Variants in ADAMTS13 observed in about 807,000 individuals in gnomAD.
The protein encoded by ADAMTS13 is A disintegrin and metalloproteinase with thrombospondin motifs 13.
Under a neutral mutation model 155.1 loss-of-function variants are expected in ADAMTS13, and 110 were observed. The observed-to-expected ratio is 0.71, with a 90% CI of 0.61 to 0.83. The LOEUF (loss-of-function observed/expected upper bound fraction) is 0.83, where lower values mean the gene tolerates loss of function less well. Ranked by LOEUF, ADAMTS13 falls within the 40% of genes least tolerant of loss-of-function variation. The probability of loss-of-function intolerance (pLI) is 0.00; values close to 1 mark genes in which losing one functional copy is unlikely to be tolerated. For synonymous variants in ADAMTS13, 758 were observed against 756.4 expected (o/e 1.00, Z -0.03); for missense variants, 1,707 against 1,891.7 (o/e 0.90, Z 1.81).
At position 133,455,486 on chromosome 9, in the gene ADAMTS13, A is replaced by G. The variant is rs782226132; in HGVS notation, c.3400+51A>G. Reference sequence around the variant, plus strand: ...AGAAGCCGCTGCTCCAGGACGGACCACAGCCACCCCTGCTGGTGCCTCCCT... The same window carrying G: ...AGAAGCCGCTGCTCCAGGACGGACCGCAGCCACCCCTGCTGGTGCCTCCCT... On this transcript the variant is annotated intron_variant, in intron 25 of 28. Transcript: ENST00000355699. 1.3e-5 allele frequency: 21 copies of G among 1,612,264 alleles called. No individual in the cohort carries two copies. The highest frequency in any genetic ancestry group is 1.7e-5 in the Non-Finnish European group (20 of 1,179,926).
At position 133,456,656 on chromosome 9, in the gene ADAMTS13, C is replaced by A. The variant is rs140450669; in HGVS notation, c.3661C>A (p.Arg1221=). Residue 1221 remains arginine, a synonymous_variant, in exon 27 of 29, where the codon CGG becomes AGG. Coordinates refer to ENST00000355699, the MANE Select transcript of ADAMTS13 (RefSeq NM_139027.6). This position sits in a 1 kb window ranked among gnomAD's most constrained non-coding sequence, Gnocchi z 4.4. ...GCTGGTGGTGAGGCAGCGCTGCGGG[C>A]GGCCAGGAGGTGGGGTGCTGCTGCG... is the stretch of plus-strand genomic sequence containing the variant. ...NTLVVRQRCG[R]PGGGVLLRYG... is the part of the protein sequence containing the mutation. 5 of 1,602,696 alleles carry A rather than the reference C, an allele frequency of 3.1e-6. No individual in the cohort carries two copies. The highest frequency in any genetic ancestry group is 4.3e-6 in the Non-Finnish European group (5 of 1,174,712).
rs904605163 is a variant in ADAMTS13 at position 133,441,311 on chromosome 9, T to C, written c.1968+786T>C. On this transcript the variant is annotated intron_variant, in intron 16 of 28. Coordinates refer to ENST00000355699, the MANE Select transcript of ADAMTS13 (RefSeq NM_139027.6). The surrounding 1 kb of genome is among the most constrained non-coding windows in gnomAD (Gnocchi z 5.0). ...GCCAGGCCGGGCCAAAGCAAGCCCCTGTGAGCGGCTTATCCCTTCTCTTCC... is the reference window on the plus strand; with the variant it reads ...GCCAGGCCGGGCCAAAGCAAGCCCCCGTGAGCGGCTTATCCCTTCTCTTCC... 2.0e-5 allele frequency among the ~76,000 whole-genome samples: 3 copies of C among 152,164 alleles called. No individual in the cohort carries two copies. Among genetic ancestry groups the C allele is most frequent in the African/African-American group, 7.2e-5 (3 of 41,436 alleles).
Position 133,424,418 on chromosome 9 carries a change from C to T in ADAMTS13, c.270C>T (p.Pro90=), listed in dbSNP as rs756898709. ...LHLELLVAVG[P]DVFQAHQEDT... ...TGGAGCTGCTGGTGGCCGTGGGCCCCGATGTCTTCCAGGCTCACCAGGAGG... is the reference window on the plus strand; with the variant it reads ...TGGAGCTGCTGGTGGCCGTGGGCCCTGATGTCTTCCAGGCTCACCAGGAGG... The change falls in exon 3 of 29, where the codon CCC becomes CCT. Residue 90 remains proline, a synonymous_variant. Transcript: ENST00000355699. This position sits in a 1 kb window ranked among gnomAD's most constrained non-coding sequence, Gnocchi z 4.3. 16 of 1,613,716 alleles carry T rather than the reference C, an allele frequency of 9.9e-6. No individual in the cohort carries two copies. Among genetic ancestry groups the T allele is most frequent in the African/African-American group, 8.0e-5 (6 of 74,896 alleles).
rs377151755 is a variant in ADAMTS13 at position 133,459,202 on chromosome 9, G to C, written c.*22G>C. On this transcript the variant is annotated 3_prime_UTR_variant, in exon 29 of 29. Transcript: ENST00000355699. The stretch of plus-strand genomic sequence containing the variant: ...CTGAGGGTCATTGAACATTTGTTCC[G>C]TGTCTGGCCAGCCCTGGAGGGTTGA... 25 of 1,587,646 alleles carry C rather than the reference G, an allele frequency of 1.6e-5. No homozygotes were observed. In the African/African-American group the frequency reaches 3.2e-4, roughly 20 times the overall value.
intron 8 of ADAMTS13, among the ~76,000 whole-genome samples, chr9:133,431,515 A>G (rs1554787465): frequency 6.6e-6 from 1 of 151,736 alleles, no homozygotes; most frequent in African/African-American, 2.4e-5. Context: ...TTTAGTAGAG[A>G]CAGGGTTTCA....
intron 23 of ADAMTS13, among the ~76,000 whole-genome samples, chr9:133,451,990 AT>A (rs111537834): frequency 0.036 from 5,100 of 142,724 alleles, 209 homozygotes; most frequent in African/African-American, 0.11. Flanking sequence ...GGACCAAAGG[AT>A]TTTTTTTTTT....
In ADAMTS13 at chr9:133,445,817, G is replaced by A. The variant is rs758243645; in HGVS notation, c.2729G>A (p.Arg910Gln). The change falls in exon 21 of 29, where the codon CGA (arginine) becomes CAA (glutamine). Residue 910 changes from arginine (R) to glutamine (Q), a missense_variant and splice_region_variant. By Grantham distance (43) the Arg-to-Gln change is conservative (BLOSUM62 1). Coordinates refer to ENST00000355699, the MANE Select transcript of ADAMTS13 (RefSeq NM_139027.6). This position sits in a 1 kb window ranked among gnomAD's most constrained non-coding sequence, Gnocchi z 5.0. ...AAGSCSVSCG[R>Q]GLMELRFLCM... ...GGGTCGTGCTCCGTCTCCTGCGGGCGAGGTGAGGGCCCCCGGGATGCTCCT... is the reference window on the plus strand; with the variant it reads ...GGGTCGTGCTCCGTCTCCTGCGGGCAAGGTGAGGGCCCCCGGGATGCTCCT... 3.8e-6 allele frequency: 6 copies of A among 1,579,060 alleles called. No homozygotes were observed. The South Asian group carries it at 4.5e-5, about 12-fold the overall frequency.
intron 21 of ADAMTS13, among the ~76,000 whole-genome samples, chr9:133,446,277 A>G (rs920540251): frequency 6.6e-6 from 1 of 152,132 alleles, no homozygotes; most frequent in Non-Finnish European, 1.5e-5. Flanking sequence ...ATCACCACCA[A>G]CCTCTCCAGA....
At chr9:133,432,996 T>C (rs1010140469) in intron 9 of ADAMTS13, among the ~76,000 whole-genome samples, 1 of 147,570 alleles carries the variant, frequency 6.8e-6, no homozygotes, top group Non-Finnish European at 1.5e-5. Context: ...GGGATCCCTG[T>C]GTAAGGGGTC....
At chr9:133,437,168 G>A (rs1390216672) in intron 12 of ADAMTS13, among the ~76,000 whole-genome samples, 1 of 152,176 alleles carries the variant, frequency 6.6e-6, no homozygotes, top group Non-Finnish European at 1.5e-5. Flanking sequence ...TTTCCCATCT[G>A]TGAAATGGAG....
At position 133,424,400 on chromosome 9, in the gene ADAMTS13, G is replaced by A; in HGVS notation, c.252G>A (p.Leu84=). ...RAAGGILHLE[L]LVAVGPDVFQ... is the part of the protein sequence containing the mutation. ...CAGGCGGCATCCTACACCTGGAGCT[G>A]CTGGTGGCCGTGGGCCCCGATGTCT... Residue 84 remains leucine, a synonymous_variant, in exon 3 of 29, where the codon CTG becomes CTA. Coordinates refer to ENST00000355699, the MANE Select transcript of ADAMTS13 (RefSeq NM_139027.6). The surrounding 1 kb of genome is among the most constrained non-coding windows in gnomAD (Gnocchi z 4.3). 6.2e-7 allele frequency: 1 copy of A among 1,613,752 alleles called. No individual in the cohort carries two copies. The highest frequency in any genetic ancestry group is 8.5e-7 in the Non-Finnish European group (1 of 1,180,008).
Position 133,443,552 on chromosome 9 carries a change from G to A in ADAMTS13, c.2411G>A (p.Cys804Tyr), listed in dbSNP as rs2130881785. The A allele has an allele frequency of 1.9e-6, 3 of 1,552,330 alleles. No individual in the cohort carries two copies. Among genetic ancestry groups the A allele is most frequent in the South Asian group, 1.2e-5 (1 of 84,866 alleles). The change falls in exon 19 of 29, where the codon TGC becomes TAC. Residue 804 changes from cysteine to tyrosine, a missense_variant. This residue lies in a region of ADAMTS13 where 961 missense variants were observed against 1,107.9 expected (regional missense o/e 0.87). Transcript: ENST00000355699. The part of the protein sequence containing the change: ...VALETCNPQP[C>Y]PARWEVSEPS... ...CTGGAAACCTGCAACCCCCAGCCCT[G>A]CCCTGCCAGGTGAGCCCAGGGCTAG...
At chr9:133,417,209 G>T (rs1305289273), upstream of ADAMTS13, among the ~76,000 whole-genome samples, 1 of 152,190 alleles carries the variant, frequency 6.6e-6, no homozygotes, top group African/African-American at 2.4e-5. Context: ...TAGACACGGG[G>T]TTTCACCATG....
chr9:133,414,932 A>G, intron 1 of ADAMTS13: 2 of 1,613,534 alleles, frequency 1.2e-6, no homozygotes, highest in South Asian at 2.2e-5. Context: ...TTGCTGGATA[A>G]TTTTGGGCTT....
In ADAMTS13 at chr9:133,425,650, C is replaced by T. The variant is rs188149664; in HGVS notation, c.414+38C>T. 299 of 1,600,228 alleles carry T rather than the reference C, an allele frequency of 1.9e-4. 2 individuals are homozygous for T. In the East Asian group the frequency reaches 6.2e-3, roughly 33 times the overall value. ...CTGGAACTCAGCACACCATACAGAG[C>T]GGGAAGCCCAAGTCATCGCATCTCC... On this transcript the variant is annotated intron_variant, in intron 4 of 28. Coordinates refer to ENST00000355699, the MANE Select transcript of ADAMTS13 (RefSeq NM_139027.6). This position sits in a 1 kb window ranked among gnomAD's most constrained non-coding sequence, Gnocchi z 4.6.
intron 23 of ADAMTS13, among the ~76,000 whole-genome samples, chr9:133,453,873 G>T (rs965292538): frequency 6.6e-6 from 1 of 152,132 alleles, no homozygotes; most frequent in African/African-American, 2.4e-5. Context: ...GGTCCAAGAG[G>T]CAGCGCTGCA....
chr9:133,422,250 C>T (rs1840000404), upstream of ADAMTS13: 5 of 626,262 alleles, frequency 8.0e-6, no homozygotes, highest in African/African-American at 7.2e-5. Flanking sequence ...CAAGGCCCAG[C>T]TTGCAGCAGG....
Position 133,433,717 on chromosome 9 carries a change from C to G in ADAMTS13, c.1308+13C>G. The stretch of plus-strand genomic sequence containing the variant: ...GTGCAACACTCAGGTAGGCCTGCTT[C>G]CTGGGGTAGGAGGGGGCAGCTGGTG... On this transcript the variant is annotated intron_variant, in intron 11 of 28. Transcript: ENST00000355699. The G allele has an allele frequency of 6.2e-7, 1 of 1,612,482 alleles. No homozygotes were observed. The highest frequency in any genetic ancestry group is 8.5e-7 in the Non-Finnish European group (1 of 1,179,954).
intron 11 of ADAMTS13, among the ~76,000 whole-genome samples, chr9:133,434,420 C>G (rs1484246269): frequency 6.6e-6 from 1 of 152,148 alleles, no homozygotes; most frequent in African/African-American, 2.4e-5. Context: ...ATTCTCCTGC[C>G]TCAGTCTCCT....
Sources: gnomAD v4.1 joint callset for allele counts (sites outside exome capture counted in the v4.1 genomes callset) on GRCh38, gnomAD v4.1.1 for gene constraint, gnomAD v4.1.1 regional missense constraint, Gnocchi (gnomAD v3.1) non-coding constraint, MANE v1.5 for transcripts, NCBI Gene and HGNC (gene_info 2026-07-23, HGNC 2026-07-21) for gene names.